Variants in DPP10 observed in about 807,000 individuals in gnomAD.
DPP10 encodes the protein inactive dipeptidyl peptidase 10.
DPP10 carries 33 observed loss-of-function variants against 120.9 expected under a neutral mutation model. That is an observed-to-expected ratio of 0.27 (90% CI 0.21 to 0.37). The LOEUF is 0.37. Among genes scored for constraint, DPP10 ranks in the 10% least tolerant of loss-of-function variants. DPP10 has a pLI of 1.00. For synonymous variants in DPP10, 337 were observed against 326.1 expected (o/e 1.03, Z -0.36); for missense variants, 816 against 942.8 (o/e 0.87, Z 1.76).
At chr2:115,532,339 T>G (rs772015551) in intron 5 of DPP10, among the ~76,000 whole-genome samples, 22 of 151,844 alleles carry the variant, frequency 1.4e-4, no homozygotes, top group Non-Finnish European at 2.6e-4. Context: ...GAGCTGGGAG[T>G]GAATTTTTTT....
At chr2:115,136,099 T>C (rs184500533) in intron 1 of DPP10, among the ~76,000 whole-genome samples, 4 of 152,252 alleles carry the variant, frequency 2.6e-5, no homozygotes, top group Admixed American at 2.6e-4. Context: ...GATGTCTTGA[T>C]TTTCTGAGGA....
At chr2:114,511,435 T>C (rs191791496) in intron 1 of DPP10, among the ~76,000 whole-genome samples, 3 of 152,314 alleles carry the variant, frequency 2.0e-5, no homozygotes, top group Admixed American at 2.0e-4. Flanking sequence ...CATTTGCCCA[T>C]TTATTCTTGC....
rs1575085489 is a variant in DPP10, at chr2:115,522,404, C to T, written c.367-3494C>T. Among the ~76,000 whole-genome samples, 7 of 152,156 alleles carry T rather than the reference C, an allele frequency of 4.6e-5. No individual in the cohort carries two copies. The South Asian group carries it at 1.2e-3, about 27-fold the overall frequency. On this transcript the variant is annotated intron_variant, in intron 4 of 25. Coordinates refer to ENST00000410059, the MANE Select transcript of DPP10 (RefSeq NM_020868.6). ...GTTTGGTTTCCCAACTTTGTAGCAC[C>T]TTCAGTGTCTGCCTGGGGGCTTGTT...
intron 1 of DPP10, among the ~76,000 whole-genome samples, chr2:114,832,329 C>T (rs1158356578): frequency 6.6e-6 from 1 of 152,146 alleles, no homozygotes; most frequent in African/African-American, 2.4e-5. Context: ...GTCAGGAGAT[C>T]GAGACCATCC....
intron 1 of DPP10, among the ~76,000 whole-genome samples, chr2:114,589,897 T>C (rs1457443126): frequency 6.6e-6 from 1 of 152,080 alleles, no homozygotes; most frequent in Non-Finnish European, 1.5e-5. Flanking sequence ...TCTTTGTTTT[T>C]ACTCAAGCCA....
At chr2:114,525,454 G>T (rs1685422907) in intron 1 of DPP10, among the ~76,000 whole-genome samples, 1 of 152,078 alleles carries the variant, frequency 6.6e-6, no homozygotes, top group Admixed American at 6.6e-5. Context: ...TACTATTATT[G>T]GATGCTACAT....
chr2:115,191,044 T>C (rs1355279793), intron 1 of DPP10, among the ~76,000 whole-genome samples: 1 of 152,142 alleles, frequency 6.6e-6, no homozygotes, highest in Non-Finnish European at 1.5e-5. Flanking sequence ...CAAAGGATCC[T>C]ATGGGGTCCT....
chr2:115,017,752 G>A (rs985235066), intron 1 of DPP10, among the ~76,000 whole-genome samples: 1 of 151,562 alleles, frequency 6.6e-6, no homozygotes, highest in Non-Finnish European at 1.5e-5. Context: ...ACTATCGCAA[G>A]GACAAAAAGC....
In DPP10 at chr2:115,725,052, T is replaced by C. The variant is rs539512087; in HGVS notation, c.577-2764T>C. On this transcript the variant is annotated intron_variant, in intron 7 of 25. Coordinates refer to ENST00000410059, the MANE Select transcript of DPP10 (RefSeq NM_020868.6). ...AGGGATTACATCTCAAAATGAGATTTGGCAGGGACATAGATCTAAACCATA... is the reference window on the plus strand; with the variant it reads ...AGGGATTACATCTCAAAATGAGATTCGGCAGGGACATAGATCTAAACCATA... Among the ~76,000 whole-genome samples the C allele has an allele frequency of 2.0e-4, 30 of 152,308 alleles. No individual in the cohort carries two copies. In the South Asian group the frequency reaches 2.7e-3, roughly 14 times the overall value.
At chr2:115,106,797 C>T (rs1051887561) in intron 1 of DPP10, among the ~76,000 whole-genome samples, 24 of 152,080 alleles carry the variant, frequency 1.6e-4, no homozygotes, top group African/African-American at 5.6e-4. Flanking sequence ...TAAACCGGGC[C>T]GGGCGCGGTG....
At chr2:115,563,433 C>T (rs573343773) in intron 5 of DPP10, among the ~76,000 whole-genome samples, 1 of 151,982 alleles carries the variant, frequency 6.6e-6, no homozygotes, top group Non-Finnish European at 1.5e-5. Context: ...CCCCTGCACT[C>T]GAGAGAGCTG....
chr2:115,303,642 A>T (rs539974179), intron 1 of DPP10, among the ~76,000 whole-genome samples: 1 of 151,926 alleles, frequency 6.6e-6, no homozygotes, highest in South Asian at 2.1e-4. Context: ...AAATTTTATG[A>T]TTTATTCTTT....
intron 1 of DPP10, among the ~76,000 whole-genome samples, chr2:114,497,267 A>G (rs1573493148): frequency 1.5e-5 from 1 of 67,400 alleles, no homozygotes. Context: ...GTGTGTATAC[A>G]TGTACATGTA....
intron 5 of DPP10, among the ~76,000 whole-genome samples, chr2:115,555,045 C>G (rs2080120871): frequency 6.6e-6 from 1 of 152,110 alleles, no homozygotes; most frequent in Non-Finnish European, 1.5e-5. Flanking sequence ...TTTCACACCT[C>G]TAAACTAGAA....
At position 114,454,156 on chromosome 2, in the gene DPP10, GC is replaced by G. The variant is rs1206424841; in HGVS notation, c.60+11319del. ...ACTGAAACTTGATGGGCAAGCAATA[GC>G]AGCTTGGTGAAGAATCGGGAGAGAA... is the stretch of plus-strand genomic sequence containing the variant. On this transcript the variant is annotated intron_variant, in intron 1 of 25. Coordinates refer to ENST00000410059, the MANE Select transcript of DPP10 (RefSeq NM_020868.6). Among the ~76,000 whole-genome samples the G allele has an allele frequency of 3.3e-5, 5 of 152,158 alleles. No homozygotes were observed. The East Asian group carries it at 9.6e-4, about 29-fold the overall frequency.
intron 3 of DPP10, among the ~76,000 whole-genome samples, chr2:115,483,479 C>CTATCTATCTATCTATCTGTATG (rs3980957): frequency 3.4e-4 from 49 of 144,174 alleles, no homozygotes; most frequent in African/African-American, 6.4e-4. Context: ...ATCTATCTAT[C>CTATCTATCTATCTATCTGTATG]TGTATGTGTA....
chr2:115,098,308 C>T (rs1248440346), intron 1 of DPP10, among the ~76,000 whole-genome samples: 1 of 152,136 alleles, frequency 6.6e-6, no homozygotes, highest in Non-Finnish European at 1.5e-5. Flanking sequence ...CATTCTACTC[C>T]CTGCACTATT....
chr2:115,646,743 C>T (rs1240955775), intron 5 of DPP10, among the ~76,000 whole-genome samples: 1 of 152,110 alleles, frequency 6.6e-6, no homozygotes, highest in East Asian at 1.9e-4. Flanking sequence ...AAAAAGTTGA[C>T]AACCCTGAGC....
intron 1 of DPP10, among the ~76,000 whole-genome samples, chr2:114,783,195 T>C (rs372095059): frequency 6.6e-6 from 1 of 152,128 alleles, no homozygotes; most frequent in East Asian, 1.9e-4. Flanking sequence ...AACTCACTTA[T>C]TGGAAATATA....
Sources: gnomAD v4.1 joint callset for allele counts (sites outside exome capture counted in the v4.1 genomes callset) on GRCh38, gnomAD v4.1.1 for gene constraint, MANE v1.5 for transcripts, NCBI Gene and HGNC (gene_info 2026-07-23, HGNC 2026-07-21) for gene names.